Variants in DCP1B observed in about 807,000 individuals in gnomAD.
DCP1B encodes decapping mRNA 1B.
DCP1B carries 47 observed loss-of-function variants against 60.5 expected under a neutral mutation model. That is an observed-to-expected ratio of 0.78 (90% CI 0.61 to 0.99). DCP1B has a LOEUF of 0.99. Among genes scored for constraint, DCP1B ranks in the 50% least tolerant of loss-of-function variants. The pLI, the probability that DCP1B is intolerant of heterozygous loss-of-function variation, is 0.00. For synonymous variants in DCP1B, 267 were observed against 280.3 expected, an observed-to-expected ratio of 0.95 and a Z score of 0.47; for missense variants, 725 against 756.8, an observed-to-expected ratio of 0.96 and a Z score of 0.49.
chr12:1,983,107 A>G (rs2036620424), intron 3 of DCP1B, among the ~76,000 whole-genome samples: 1 of 149,484 alleles, frequency 6.7e-6, no homozygotes, highest in Non-Finnish European at 1.5e-5. Context: ...CATTTCTGAT[A>G]CTGCTAATTT....
intron 3 of DCP1B, among the ~76,000 whole-genome samples, chr12:1,974,978 T>C (rs1460853485): frequency 1.3e-5 from 2 of 152,274 alleles, no homozygotes; most frequent in East Asian, 3.9e-4. Context: ...GATGATTTAA[T>C]TGAGTGTTTA....
chr12:1,975,633 A>C (rs923242502), intron 3 of DCP1B, among the ~76,000 whole-genome samples: 3 of 152,168 alleles, frequency 2.0e-5, no homozygotes, highest in Non-Finnish European at 4.4e-5. Flanking sequence ...AATACACTGC[A>C]TGTCCAAGCC....
chr12:1,947,764 G>T (rs1280282567), intron 8 of DCP1B, among the ~76,000 whole-genome samples: 2 of 152,130 alleles, frequency 1.3e-5, no homozygotes, highest in African/African-American at 4.8e-5. Context: ...ATTTGCTGTT[G>T]ACCTTATTTA....
At chr12:1,995,379 T>C (rs941207039) in intron 2 of DCP1B, among the ~76,000 whole-genome samples, 2 of 152,268 alleles carry the variant, frequency 1.3e-5, no homozygotes, top group Admixed American at 6.5e-5. Flanking sequence ...TGGCTTTTGT[T>C]GTAAACTTCA....
intron 3 of DCP1B, among the ~76,000 whole-genome samples, chr12:1,974,042 T>A (rs1302988002): frequency 6.6e-6 from 1 of 152,210 alleles, no homozygotes; most frequent in African/African-American, 2.4e-5. Context: ...TATAAATCTG[T>A]TCCCTCCACT....
At chr12:1,980,043 A>G (rs1203601970) in intron 3 of DCP1B, among the ~76,000 whole-genome samples, 2 of 152,238 alleles carry the variant, frequency 1.3e-5, no homozygotes, top group Non-Finnish European at 2.9e-5. Context: ...AAATAGGCAC[A>G]TAACTGTTCA....
intron 5 of DCP1B, among the ~76,000 whole-genome samples, chr12:1,958,676 C>T (rs1465167689): frequency 0.041 from 1,923 of 46,724 alleles, 7 homozygotes; most frequent in Middle Eastern, 0.097. Flanking sequence ...TGACTTTTTC[C>T]ATAAACCTCC....
At chr12:1,941,828 C>A (rs2030287385), downstream of DCP1B, among the ~76,000 whole-genome samples, 1 of 152,084 alleles carries the variant, frequency 6.6e-6, no homozygotes, top group South Asian at 2.1e-4. Context: ...CCAGCCACTG[C>A]AAAAACATAC....
chr12:1,987,067 G>T (rs1318801387), intron 3 of DCP1B, among the ~76,000 whole-genome samples: 3 of 152,084 alleles, frequency 2.0e-5, no homozygotes, highest in African/African-American at 4.8e-5. Context: ...GGCTGTGAAG[G>T]CTTCAAAAGG....
rs1490388485 is a variant in DCP1B, at chr12:1,962,076, G to T, written c.522+3482C>A. Among the ~76,000 whole-genome samples, 2 of 152,172 alleles carry T rather than the reference G, an allele frequency of 1.3e-5. No individual in the cohort carries two copies. The highest frequency in any genetic ancestry group is 2.4e-5 in the African/African-American group (1 of 41,440). Reference sequence around the variant, plus strand: ...AGCAGCAAGGGGAAGGCGTAGGCTAGAGCATTTACTGAATTTCCTCAAGGA... The same window carrying T: ...AGCAGCAAGGGGAAGGCGTAGGCTATAGCATTTACTGAATTTCCTCAAGGA... On this transcript the variant is annotated intron_variant, in intron 5 of 8. Transcript: ENST00000280665. This position sits in a 1 kb window ranked among gnomAD's most constrained non-coding sequence, Gnocchi z 4.4.
chr12:1,970,936 A>G, intron 3 of DCP1B: 1 of 424,232 alleles, frequency 2.4e-6, no homozygotes, highest in Non-Finnish European at 4.0e-6. Flanking sequence ...GGCCATGTCA[A>G]CTTTTGTGGC....
intron 3 of DCP1B, among the ~76,000 whole-genome samples, chr12:1,978,356 G>C (rs1214177120): frequency 1.3e-5 from 2 of 152,176 alleles, no homozygotes; most frequent in Non-Finnish European, 1.5e-5. Flanking sequence ...AAAAAGCCAA[G>C]ACGCAAAGTA....
chr12:1,991,343 T>G (rs113498916), intron 3 of DCP1B: 14,463 of 420,286 alleles, frequency 0.034, 363 homozygotes, highest in Middle Eastern at 0.076. Flanking sequence ...AAACATAAAA[T>G]AAAATATGAA....
At position 1,950,120 on chromosome 12, in the gene DCP1B, G is replaced by A. The variant is rs560810881; in HGVS notation, c.1525-786C>T. 392 of 543,458 alleles carry A rather than the reference G, an allele frequency of 7.2e-4. 1 individual carries two copies. In the East Asian group the frequency reaches 7.7e-3, roughly 11 times the overall value. 33.7% of individuals were successfully genotyped at this position (543,458 alleles called of 1,614,324 possible). On this transcript the variant is annotated intron_variant, in intron 7 of 8. Transcript: ENST00000280665. ...TTATTTATCAGCCTCCGAACTCCCC[G>A]AAAGAACTCCTAAGAGGGAGGCAAG...
At chr12:1,968,942 C>T (rs2031572963) in intron 3 of DCP1B, among the ~76,000 whole-genome samples, 1 of 152,058 alleles carries the variant, frequency 6.6e-6, no homozygotes, top group Admixed American at 6.5e-5. Flanking sequence ...ATTTTTATAG[C>T]AAAGGCTGAA....
At chr12:1,980,218 T>C (rs1334161387) in intron 3 of DCP1B, among the ~76,000 whole-genome samples, 1 of 152,182 alleles carries the variant, frequency 6.6e-6, no homozygotes, top group Non-Finnish European at 1.5e-5. Context: ...ATAATTCAAG[T>C]ATCTATCGAT....
intron 2 of DCP1B, among the ~76,000 whole-genome samples, chr12:1,994,395 AG>A (rs2040291160): frequency 6.6e-6 from 1 of 152,252 alleles, no homozygotes; most frequent in African/African-American, 2.4e-5. Flanking sequence ...CAAGGAACAC[AG>A]CTACATAACC....
chr12:1,955,841 T>C (rs2041134), intron 5 of DCP1B, among the ~76,000 whole-genome samples: 151,502 of 152,340 alleles, frequency 0.99, 75,334 homozygotes, highest in Middle Eastern at 1. Context: ...AATTGAAAGG[T>C]TCTGTGCTTA....
intron 3 of DCP1B, chr12:1,991,702 T>C (rs2039470404): frequency 6.2e-6 from 1 of 160,178 alleles, no homozygotes; most frequent in African/African-American, 2.4e-5. Context: ...TGTATGTTTA[T>C]TAGATCTAAA....
Sources: gnomAD v4.1 joint callset for allele counts (sites outside exome capture counted in the v4.1 genomes callset) on GRCh38, gnomAD v4.1.1 for gene constraint, Gnocchi (gnomAD v3.1) non-coding constraint, MANE v1.5 for transcripts, NCBI Gene and HGNC (gene_info 2026-07-23, HGNC 2026-07-21) for gene names.